Variants in POSTN observed in about 807,000 individuals in gnomAD.
The protein encoded by POSTN is periostin.
POSTN carries 71 observed loss-of-function variants against 104.5 expected under a neutral mutation model. The ratio of observed to expected loss-of-function variants is 0.68; its 90% CI spans 0.56 to 0.83. POSTN has a LOEUF of 0.83. Among genes scored for constraint, POSTN ranks in the 40% least tolerant of loss-of-function variants. The pLI, the probability that POSTN is intolerant of heterozygous loss-of-function variation, is 0.00. For missense variants in POSTN, 949 were observed against 1,006.8 expected (o/e 0.94, Z 0.78); for synonymous variants, 355 against 340.7 (o/e 1.04, Z -0.46).
Position 37,569,820 on chromosome 13 carries a change from A to G in POSTN, c.2271T>C (p.Gly757=). Residue 757 remains glycine (G), a splice_region_variant and synonymous_variant, in exon 20 of 23, where the codon GGT becomes GGC. Coordinates refer to ENST00000379747, the MANE Select transcript of POSTN (RefSeq NM_006475.3). The part of the protein sequence containing the change: ...KETREERIIT[G]PEIKYTRIST... ...AAATCCTAGTGTATTTTATTTCAGG[A>G]CCTATGAGAAGGACAATGAAAAAGG... 1 of 1,591,086 alleles carries G rather than the reference A, an allele frequency of 6.3e-7. No individual in the cohort carries two copies.
intron 19 of POSTN, 133 bp downstream of exon 19, chr13:37,570,447 G>T: frequency 3.3e-6 from 2 of 599,418 alleles, no homozygotes; most frequent in East Asian, 2.8e-5. Context: ...TATTATATCT[G>T]CCAAAATATG....
In POSTN at chr13:37,584,714, A is replaced by G. The variant is rs1238678495; in HGVS notation, c.1108+2T>C. On this transcript the variant is annotated splice_donor_variant, in intron 8 of 22. Transcript: ENST00000379747. LOFTEE classifies it high-confidence loss of function. ...AAAACAAAAACAAAAAAAGTTGCTT[A>G]CCAGAATCAGGAATTAGGACCTGAT... The G allele has an allele frequency of 3.6e-5, 58 of 1,610,374 alleles. No individual in the cohort carries two copies. The highest frequency in any genetic ancestry group is 4.5e-5 in the Non-Finnish European group (53 of 1,178,046).
chr13:37,581,056 A>T (rs1423393008), intron 10 of POSTN, among the ~76,000 whole-genome samples: 1 of 152,040 alleles, frequency 6.6e-6, no homozygotes, highest in Non-Finnish European at 1.5e-5. Context: ...AGGTTTCCTC[A>T]CTTTAGTGCT....
chr13:37,580,082 G>T, intron 11 of POSTN, 91 bp from the exon 12 acceptor site: 1 of 1,245,758 alleles, frequency 8.0e-7, no homozygotes, highest in Non-Finnish European at 1.1e-6. Context: ...TCCATGTATT[G>T]TGGAAAGCAT....
intron 2 of POSTN, among the ~76,000 whole-genome samples, chr13:37,595,572 T>C (rs1160183394): frequency 1.3e-5 from 2 of 152,162 alleles, no homozygotes; most frequent in Non-Finnish European, 2.9e-5. Flanking sequence ...TACTTAGAAA[T>C]AAAGACAATC....
Position 37,579,377 on chromosome 13 carries a change from T to C in POSTN, c.1661-18A>G, listed in dbSNP as rs1395032381. 2 of 1,523,510 alleles carry C rather than the reference T, an allele frequency of 1.3e-6. No individual in the cohort carries two copies. The highest frequency in any genetic ancestry group is 1.2e-5 in the South Asian group (1 of 85,960). The allele number at this position is 1,523,510 out of a possible 1,614,324, so 94.4% of individuals were successfully genotyped here. A position where few individuals can be genotyped will look rare whatever the true frequency, so the allele number is the denominator to read the frequency against. ...TTTGTCCCCTAGGGGAAAATATATG[T>C]TTATTTTTATTGAATAATATGACTT... On this transcript the variant is annotated intron_variant, in intron 12 of 22. Coordinates refer to ENST00000379747, the MANE Select transcript of POSTN (RefSeq NM_006475.3).
chr13:37,563,682 G>A (rs935214847), intron 22 of POSTN, among the ~76,000 whole-genome samples: 3 of 152,056 alleles, frequency 2.0e-5, no homozygotes, highest in African/African-American at 7.2e-5. Flanking sequence ...TACTTTCAAA[G>A]GTCTGTATAT....
chr13:37,572,011 G>A (rs1471354179), intron 17 of POSTN, among the ~76,000 whole-genome samples: 1 of 151,518 alleles, frequency 6.6e-6, no homozygotes, highest in Non-Finnish European at 1.5e-5. Flanking sequence ...AATAATTTGA[G>A]TACTTACCTT....
At chr13:37,570,555 A>T (rs1950234266) in intron 19 of POSTN, 25 bp downstream of exon 19, 1 of 1,438,962 alleles carries the variant, frequency 6.9e-7, no homozygotes, top group Admixed American at 1.7e-5. Context: ...CTAGGCATAG[A>T]TCCATGTATG....
intron 21 of POSTN, chr13:37,568,636 CA>C (rs2138163532): frequency 6.6e-6 from 1 of 151,526 alleles, no homozygotes; most frequent in African/African-American, 2.4e-5. Flanking sequence ...TCTATATAAA[CA>C]ACATCTTTGA....
Position 37,588,377 on chromosome 13 carries a change from G to A in POSTN, c.442-391C>T, listed in dbSNP as rs190792649. 2.4e-3 allele frequency among the ~76,000 whole-genome samples: 346 copies of A among 143,432 alleles called. 3 individuals carry two copies. The highest frequency in any genetic ancestry group is 9.8e-3 in the African/African-American group (329 of 33,406). 94.1% of individuals were successfully genotyped at this position (143,432 alleles called of 152,430 possible). On this transcript the variant is annotated intron_variant, in intron 4 of 22. Transcript: ENST00000379747. ...TATGCAACACTTAAGTTTTAACAAG[G>A]GTTTCATGTTTATTCCATAACAAAT... is the stretch of plus-strand genomic sequence containing the variant.
At chr13:37,594,092 C>A (rs1489690540) in intron 2 of POSTN, among the ~76,000 whole-genome samples, 1 of 151,822 alleles carries the variant, frequency 6.6e-6, no homozygotes, top group African/African-American at 2.4e-5. Flanking sequence ...CATAATAGAG[C>A]CTCTAAATAA....
At chr13:37,571,066 T>G (rs2138185785) in intron 18 of POSTN, 1 of 313,094 alleles carries the variant, frequency 3.2e-6, no homozygotes, top group African/African-American at 2.2e-5. Flanking sequence ...TAATATTTCC[T>G]TTTATACTGA....
chr13:37,567,235 C>CA lies in POSTN; in HGVS notation c.2431+2064dup, dbSNP rs71093694. Among the ~76,000 whole-genome samples the CA allele has an allele frequency of 5.9e-3, 217 of 36,882 alleles. 29 individuals carry two copies. The highest frequency in any genetic ancestry group is 0.022 in the East Asian group (18 of 834). The allele number at this position is 36,882 out of a possible 152,430, so 24.2% of individuals were successfully genotyped here. ...TGGGCGACAGAGCGAGACTCCGTCT[C>CA]AAAAAAAAAAAAAAAAAATGTACTA... is the stretch of plus-strand genomic sequence containing the variant. On this transcript the variant is annotated intron_variant, in intron 21 of 22. Coordinates refer to ENST00000379747, the MANE Select transcript of POSTN (RefSeq NM_006475.3).
chr13:37,582,062 C>T (rs1950605709), intron 10 of POSTN, among the ~76,000 whole-genome samples: 1 of 152,134 alleles, frequency 6.6e-6, no homozygotes. Context: ...TTGTAAAGTA[C>T]TCTGCAAAGG....
chr13:37,588,599 G>A (rs887212127), intron 4 of POSTN, among the ~76,000 whole-genome samples: 2 of 152,124 alleles, frequency 1.3e-5, no homozygotes, highest in African/African-American at 4.8e-5. Flanking sequence ...CAATAAGAAA[G>A]AACAGCTATT....
At chr13:37,581,912 A>T (rs1448653516) in intron 10 of POSTN, among the ~76,000 whole-genome samples, 1 of 152,336 alleles carries the variant, frequency 6.6e-6, no homozygotes, top group African/African-American at 2.4e-5. Flanking sequence ...TTTAGTAGAG[A>T]CAGCATAGTG....
At chr13:37,588,879 T>G (rs1950839278) in intron 4 of POSTN, among the ~76,000 whole-genome samples, 1 of 152,170 alleles carries the variant, frequency 6.6e-6, no homozygotes, top group Non-Finnish European at 1.5e-5. Context: ...ATTTAATGAT[T>G]AGAACCAGGC....
intron 3 of POSTN, among the ~76,000 whole-genome samples, chr13:37,591,306 A>T (rs1360833233): frequency 1.3e-5 from 2 of 152,152 alleles, no homozygotes; most frequent in African/African-American, 2.4e-5. Context: ...AAAAAACTGT[A>T]ATCAATTTTA....
Sources: allele counts gnomAD v4.1 joint callset (sites outside exome capture counted in the v4.1 genomes callset), GRCh38; gene constraint gnomAD v4.1.1; transcripts MANE v1.5; gene names NCBI Gene and HGNC (gene_info 2026-07-23, HGNC 2026-07-21).